The following ODR4 variants were observed in gnomAD, a reference collection of about 807,000 sequenced individuals.
The protein encoded by ODR4 is odr-4 GPCR localization factor homolog.
In ODR4, 47 loss-of-function variants were observed where a neutral mutation model predicts 60.2. The observed-to-expected ratio is 0.78, with a 90% confidence interval of 0.62 to 1.00. ODR4 has a LOEUF of 1.00. Among genes scored for constraint, ODR4 ranks in the 50% least tolerant of loss-of-function variants. ODR4 has a pLI of 0.00. For missense variants in ODR4, 488 were observed against 530.8 expected (o/e 0.92, Z 0.79); for synonymous variants, 178 against 175.5 (o/e 1.01, Z -0.11).
chr1:186,402,151 A>C (rs1182507228), intron 11 of ODR4, among the ~76,000 whole-genome samples: 1 of 148,236 alleles, frequency 6.7e-6, no homozygotes. Context: ...TGCTGCTAGC[A>C]GAGTAACCTC....
chr1:186,417,745 T>C, intron 13 of ODR4, 91 bp downstream of exon 13: 2 of 731,236 alleles, frequency 2.7e-6, no homozygotes, highest in Non-Finnish European at 4.7e-6. Context: ...CATTTCTCTT[T>C]CTTAAGATTG....
Position 186,408,752 on chromosome 1 carries a change from C to G in ODR4, c.1186+2484C>G, listed in dbSNP as rs139380793. Among the ~76,000 whole-genome samples, 127 of 151,330 alleles carry G rather than the reference C, an allele frequency of 8.4e-4. 1 individual carries two copies. In the East Asian group the frequency reaches 0.016, roughly 20 times the overall value. ...AATTATTTGTCACATTCTTGTGCAT[C>G]TCACATTCTTAAACTAAGAATGACT... On this transcript the variant is annotated intron_variant, in intron 12 of 13. Coordinates refer to ENST00000287859, the MANE Select transcript of ODR4 (RefSeq NM_017847.6).
chr1:186,417,624 A>C lies in ODR4; in HGVS notation c.1267A>C (p.Thr423Pro). The C allele has an allele frequency of 6.3e-7, 1 of 1,596,040 alleles. No individual in the cohort carries two copies. Among genetic ancestry groups the C allele is most frequent in the Non-Finnish European group, 8.6e-7 (1 of 1,168,860 alleles). The change falls in exon 13 of 14, where the codon ACA (threonine) becomes CCA (proline). Residue 423 changes from threonine (T) to proline (P), a missense_variant. Physicochemically the swap from Thr to Pro is conservative, Grantham distance 38. Coordinates refer to ENST00000287859, the MANE Select transcript of ODR4 (RefSeq NM_017847.6). ...DEQPKQPIKTTMLLKIQQNIG... is the reference protein window; with the variant it reads ...DEQPKQPIKTPMLLKIQQNIG... ...ACAACCAAAACAACCAATTAAAACT[A>C]CAATGTTATTGAAAATTCAGCAAAA...
In ODR4 at chr1:186,419,045, C is replaced by T. The variant is rs368325574; in HGVS notation, c.1334C>T (p.Ala445Val). ...IAAFTVAVLA[A>V]GISFHYFSD ...GCATTTACAGTTGCAGTCCTTGCTG[C>T]GGGTATCTCCTTTCATTACTTCAGT... The change falls in exon 14 of 14, where the codon GCG (alanine) becomes GTG (valine). Residue 445 changes from alanine to valine, a missense_variant. Transcript: ENST00000287859. 8.7e-6 allele frequency: 14 copies of T among 1,610,506 alleles called. No individual in the cohort carries two copies. Among genetic ancestry groups the T allele is most frequent in the Middle Eastern group, 1.6e-4 (1 of 6,080 alleles).
intron 1 of ODR4, among the ~76,000 whole-genome samples, chr1:186,377,339 A>G (rs1659823260): frequency 6.6e-6 from 1 of 152,210 alleles, no homozygotes; most frequent in South Asian, 2.1e-4. Flanking sequence ...TGCCTTTTAT[A>G]AAGTATGGTT....
At chr1:186,398,715 T>G (rs575820077) in intron 10 of ODR4, among the ~76,000 whole-genome samples, 1 of 152,342 alleles carries the variant, frequency 6.6e-6, no homozygotes, top group African/African-American at 2.4e-5. Context: ...TGCAATTATT[T>G]TTTTAGATGT....
chr1:186,399,206 A>AT (rs532098710), intron 11 of ODR4, 162 bp downstream of exon 11: 80,188 of 503,092 alleles, frequency 0.16, 1,475 homozygotes, highest in Non-Finnish European at 0.17. Flanking sequence ...TGCTACTCAG[A>AT]TTTTTTTTTT....
chr1:186,399,800 C>G lies in ODR4; in HGVS notation c.1000+756C>G, dbSNP rs909097329. ...GCTTCTCAGCTATTACTCTAACAGA[C>G]TTCATTACGTTTAAAAAAGGCTGAG... is the stretch of plus-strand genomic sequence containing the variant. On this transcript the variant is annotated intron_variant, in intron 11 of 13. Coordinates refer to ENST00000287859, the MANE Select transcript of ODR4 (RefSeq NM_017847.6). Among the ~76,000 whole-genome samples the G allele has an allele frequency of 5.9e-5, 9 of 151,950 alleles. No homozygotes were observed. The East Asian group carries it at 1.2e-3, about 20-fold the overall frequency.
chr1:186,408,228 CTTAGGCAGTTTGGTT>C lies in ODR4; in HGVS notation c.1186+1966_1186+1980del, dbSNP rs564528910. 2.7e-3 allele frequency among the ~76,000 whole-genome samples: 406 copies of C among 152,158 alleles called. 1 individual carries two copies. The highest frequency in any genetic ancestry group is 9.6e-3 in the African/African-American group (398 of 41,510). ...CGTAATGGTGGAGCTGGAATTTAAA[CTTAGGCAGTTTGGTT>C]TTAGGGTCTGTGCTTCTTTTCTAAA... is the stretch of plus-strand genomic sequence containing the variant. On this transcript the variant is annotated intron_variant, in intron 12 of 13. Transcript: ENST00000287859.
intron 1 of ODR4, 79 bp from the exon 2 acceptor site, chr1:186,379,688 T>A (rs1224500986): frequency 2.7e-5 from 20 of 732,826 alleles, no homozygotes; most frequent in Admixed American, 7.8e-5. Context: ...ATCACTTCTC[T>A]TGCTAAACTA....
At chr1:186,384,108 A>C (rs1167415300) in intron 3 of ODR4, among the ~76,000 whole-genome samples, 2 of 152,204 alleles carry the variant, frequency 1.3e-5, no homozygotes, top group Non-Finnish European at 1.5e-5. Context: ...GCTATTAAGG[A>C]ATACCTAAGA....
intron 13 of ODR4, among the ~76,000 whole-genome samples, chr1:186,418,440 G>A (rs1046970979): frequency 5.3e-5 from 8 of 151,864 alleles, no homozygotes; most frequent in Admixed American, 1.3e-4. Flanking sequence ...ACAGGCGCCC[G>A]CCACCGCGCC....
At chr1:186,399,978 CTTTTTTTTTTTCTTTT>C (rs1660862229) in intron 11 of ODR4, among the ~76,000 whole-genome samples, 1 of 128,558 alleles carries the variant, frequency 7.8e-6, no homozygotes, top group Non-Finnish European at 1.7e-5. Context: ...TCTCCCCATT[CTTTTTTTTTTTCTTTT>C]TTTTTTTTTT....
At chr1:186,389,088 G>A (rs1438015856) in intron 5 of ODR4, among the ~76,000 whole-genome samples, 2 of 151,446 alleles carry the variant, frequency 1.3e-5, no homozygotes, top group Admixed American at 6.6e-5. Flanking sequence ...GGAGTGACAC[G>A]ATCCATGGAC....
chr1:186,383,762 A>T (rs1571662205), intron 3 of ODR4, among the ~76,000 whole-genome samples: 1 of 151,464 alleles, frequency 6.6e-6, no homozygotes, highest in East Asian at 1.9e-4. Context: ...TATTTAAAAA[A>T]AAAATAAAAT....
At chr1:186,413,949 A>G (rs1400782838) in intron 12 of ODR4, among the ~76,000 whole-genome samples, 1 of 152,176 alleles carries the variant, frequency 6.6e-6, no homozygotes, top group African/African-American at 2.4e-5. Flanking sequence ...GAATACTCTT[A>G]ACATGATCAG....
At chr1:186,400,061 G>A (rs536803916) in intron 11 of ODR4, among the ~76,000 whole-genome samples, 73 of 135,542 alleles carry the variant, frequency 5.4e-4, no homozygotes, top group African/African-American at 1.8e-3. Flanking sequence ...GCGCGATCTC[G>A]ACTCACTGCA....
At chr1:186,396,966 A>C (rs1168336763) in intron 9 of ODR4, among the ~76,000 whole-genome samples, 1 of 152,144 alleles carries the variant, frequency 6.6e-6, no homozygotes, top group Non-Finnish European at 1.5e-5. Context: ...AATGAACTCT[A>C]CATGTGTCAT....
downstream of ODR4, among the ~76,000 whole-genome samples, chr1:186,425,615 A>G (rs1265118799): frequency 2.0e-5 from 3 of 152,192 alleles, no homozygotes; most frequent in Admixed American, 6.5e-5. Context: ...CAGCACCCTT[A>G]ACTACCTTAG....
Sources: gnomAD v4.1 joint callset for allele counts (sites outside exome capture counted in the v4.1 genomes callset) on GRCh38, gnomAD v4.1.1 for gene constraint, MANE v1.5 for transcripts, NCBI Gene and HGNC (gene_info 2026-07-23, HGNC 2026-07-21) for gene names.